The following EEPD1 variants were observed in gnomAD, a reference collection of about 807,000 sequenced individuals.
The protein encoded by EEPD1 is endonuclease/exonuclease/phosphatase family domain containing 1.
A neutral mutation model predicts 46.3 loss-of-function variants in EEPD1; 17 were observed. The ratio of observed to expected loss-of-function variants is 0.37; its 90% confidence interval spans 0.25 to 0.55. EEPD1 has a LOEUF of 0.55. Ranked by LOEUF, EEPD1 falls within the 20% of genes least tolerant of loss-of-function variation. The pLI is 0.83. For synonymous variants in EEPD1, 313 were observed against 315.6 expected, an observed-to-expected ratio of 0.99 and a Z score of 0.09; for missense variants, 673 against 745.6, an observed-to-expected ratio of 0.90 and a Z score of 1.13.
At chr7:36,251,396 C>T (rs570575251) in intron 3 of EEPD1, among the ~76,000 whole-genome samples, 14 of 152,250 alleles carry the variant, frequency 9.2e-5, no homozygotes, top group African/African-American at 2.4e-4. Context: ...CCACAACCTC[C>T]GCCTCCCGGG....
chr7:36,253,729 A>G (rs919117684), intron 3 of EEPD1, among the ~76,000 whole-genome samples: 27 of 151,866 alleles, frequency 1.8e-4, no homozygotes, highest in African/African-American at 6.3e-4. Flanking sequence ...TTTAAAGTCT[A>G]TTTTTCTTAT....
chr7:36,194,485 G>C (rs568234118), intron 2 of EEPD1, among the ~76,000 whole-genome samples: 34 of 152,272 alleles, frequency 2.2e-4, no homozygotes, highest in African/African-American at 6.7e-4. Context: ...CCCCATCCTG[G>C]TTCCTCCTCC....
intron 2 of EEPD1, among the ~76,000 whole-genome samples, chr7:36,158,457 T>G (rs1448469441): frequency 6.6e-6 from 1 of 152,192 alleles, no homozygotes; most frequent in Non-Finnish European, 1.5e-5. Flanking sequence ...TAGGTGTGTT[T>G]TCTTAGGCTG....
chr7:36,272,619 G>A (rs1177140187), intron 3 of EEPD1, among the ~76,000 whole-genome samples: 4 of 151,472 alleles, frequency 2.6e-5, no homozygotes, highest in Non-Finnish European at 4.4e-5. Context: ...GCAGTCGCTC[G>A]TGGTGGGAGA....
At chr7:36,221,050 C>T (rs996181987) in intron 2 of EEPD1, among the ~76,000 whole-genome samples, 2 of 152,242 alleles carry the variant, frequency 1.3e-5, no homozygotes, top group East Asian at 1.9e-4. Context: ...CTGAAATGAT[C>T]AGCCTGCCTC....
intron 2 of EEPD1, among the ~76,000 whole-genome samples, chr7:36,184,741 A>G (rs1042490478): frequency 6.6e-6 from 1 of 151,940 alleles, no homozygotes; most frequent in East Asian, 1.9e-4. Flanking sequence ...ATTAAAAAAA[A>G]TTTTTTTGAG....
chr7:36,197,198 A>C (rs1785616339), intron 2 of EEPD1, among the ~76,000 whole-genome samples: 1 of 148,324 alleles, frequency 6.7e-6, no homozygotes, highest in Non-Finnish European at 1.5e-5. Context: ...CTGGGAAGTG[A>C]GGAGCGTCTC....
At chr7:36,207,137 G>T (rs533078111) in intron 2 of EEPD1, among the ~76,000 whole-genome samples, 2 of 152,300 alleles carry the variant, frequency 1.3e-5, no homozygotes, top group African/African-American at 4.8e-5. Flanking sequence ...TTGAGGGTCT[G>T]CCAGGTGCTA....
At chr7:36,218,639 T>C (rs1214456740) in intron 2 of EEPD1, among the ~76,000 whole-genome samples, 6 of 152,190 alleles carry the variant, frequency 3.9e-5, no homozygotes, top group Non-Finnish European at 7.3e-5. Flanking sequence ...ATTGTATATT[T>C]CCAGAATTTT....
At chr7:36,219,806 A>AGAGAGAGAGAGAGTGTGTGT (rs1341203087) in intron 2 of EEPD1, among the ~76,000 whole-genome samples, 4 of 75,438 alleles carry the variant, frequency 5.3e-5, no homozygotes, top group Admixed American at 1.7e-4. Context: ...AGAGAGAGAG[A>AGAGAGAGAGAGAGTGTGTGT]GTGTGTGTGT....
At chr7:36,298,261 G>T (rs1465146371) in intron 7 of EEPD1, among the ~76,000 whole-genome samples, 1 of 152,234 alleles carries the variant, frequency 6.6e-6, no homozygotes, top group African/African-American at 2.4e-5. Flanking sequence ...AGCTGGGGAA[G>T]CTGAGCCAAC....
At chr7:36,230,498 A>G (rs765819506) in intron 2 of EEPD1, among the ~76,000 whole-genome samples, 35 of 152,056 alleles carry the variant, frequency 2.3e-4, no homozygotes, top group Non-Finnish European at 4.4e-4. Flanking sequence ...CATGGTCAGC[A>G]TGCAGTCCCT....
chr7:36,154,512 G>C lies in EEPD1; in HGVS notation c.188G>C (p.Ser63Thr), dbSNP rs755936310. The C allele has an allele frequency of 6.2e-7, 1 of 1,614,110 alleles. No homozygotes were observed. ...GGGGTGACGCGTGCCGTGGCACGCA[G>C]CATCGTGGAGTACCGAGAGTATATC... is the stretch of plus-strand genomic sequence containing the variant. ...LPGVTRAVARSIVEYREYIGG... is the reference protein window; with the variant it reads ...LPGVTRAVARTIVEYREYIGG... The change falls in exon 2 of 8, where the codon AGC becomes ACC. Residue 63 changes from serine to threonine, a missense_variant. Physicochemically the swap from Ser to Thr is moderately conservative, Grantham distance 58 (BLOSUM62 1). Coordinates refer to ENST00000242108, the MANE Select transcript of EEPD1 (RefSeq NM_030636.3). The surrounding 1 kb of genome is among the most constrained non-coding windows in gnomAD (Gnocchi z 4.2).
rs187588743 is a variant in EEPD1 at position 36,164,950 on chromosome 7, G to A, written c.878+9748G>A. On this transcript the variant is annotated intron_variant, in intron 2 of 7. Transcript: ENST00000242108. ...TATACAGTTGTACTATGAGTTTTAA[G>A]CTATGTTATTACAAAAGTCAAAAGA... Among the ~76,000 whole-genome samples, 28 of 152,276 alleles carry A rather than the reference G, an allele frequency of 1.8e-4. No homozygotes were observed. In the East Asian group the frequency reaches 4.0e-3, roughly 22 times the overall value.
chr7:36,219,802 A>AGTGTGT (rs1404686805), intron 2 of EEPD1, among the ~76,000 whole-genome samples: 745 of 67,148 alleles, frequency 0.011, 1 homozygote, highest in Admixed American at 0.019. Context: ...AGAGAGAGAG[A>AGTGTGT]GAGAGTGTGT....
intron 3 of EEPD1, among the ~76,000 whole-genome samples, chr7:36,267,845 G>A (rs1405351301): frequency 6.6e-6 from 1 of 152,056 alleles, no homozygotes; most frequent in Non-Finnish European, 1.5e-5. Context: ...GAGGTAATTG[G>A]GTCATGAGGG....
At chr7:36,191,372 T>C (rs984240786) in intron 2 of EEPD1, among the ~76,000 whole-genome samples, 1 of 150,518 alleles carries the variant, frequency 6.6e-6, no homozygotes, top group African/African-American at 2.5e-5. Flanking sequence ...TGGAGGAGAG[T>C]GTATGCACAC....
intron 2 of EEPD1, among the ~76,000 whole-genome samples, chr7:36,229,074 G>A (rs534291753): frequency 1.1e-4 from 17 of 152,276 alleles, no homozygotes; most frequent in African/African-American, 3.6e-4. Flanking sequence ...AGGCACGTGC[G>A]GAAACCCCTT....
At chr7:36,187,008 G>A (rs748999603) in intron 2 of EEPD1, among the ~76,000 whole-genome samples, 1 of 152,286 alleles carries the variant, frequency 6.6e-6, no homozygotes, top group East Asian at 1.9e-4. Flanking sequence ...GCAGAATTCT[G>A]TAAGCTGTGG....
Sources: gnomAD v4.1 joint callset for allele counts (sites outside exome capture counted in the v4.1 genomes callset) on GRCh38, gnomAD v4.1.1 for gene constraint, Gnocchi (gnomAD v3.1) non-coding constraint, MANE v1.5 for transcripts, NCBI Gene and HGNC (gene_info 2026-07-23, HGNC 2026-07-21) for gene names.